HSPA12A: variants seen among roughly 807,000 people sequenced by gnomAD.
The protein encoded by HSPA12A is heat shock 70 kDa protein 12A.
Under a neutral mutation model 69.2 loss-of-function variants are expected in HSPA12A, and 28 were observed. The ratio of observed to expected loss-of-function variants is 0.40; its 90% confidence interval spans 0.30 to 0.55. HSPA12A has a LOEUF of 0.55. HSPA12A is among the 20% of genes least tolerant of loss of function. HSPA12A has a pLI of 0.38. For missense variants in HSPA12A, 686 were observed against 900.7 expected, an observed-to-expected ratio of 0.76 and a Z score of 3.05; for synonymous variants, 345 against 370.5, an observed-to-expected ratio of 0.93 and a Z score of 0.79.
chr10:116,698,585 G>C, intron 5 of HSPA12A, 50 bp downstream of exon 5: 1 of 1,449,804 alleles, frequency 6.9e-7, no homozygotes, highest in Non-Finnish European at 9.6e-7. Flanking sequence ...GAGCTGGCAC[G>C]GGTGCCACCG....
rs1204201247 is a variant in HSPA12A at position 116,674,469 on chromosome 10, A to G, written c.*312T>C. On this transcript the variant is annotated 3_prime_UTR_variant, in exon 12 of 12. Transcript: ENST00000369209. ...AACGGAGATCTGTTCAAAGCAGCGC[A>G]ACCACTGCTGCAGAAATGTACTGAT... 1.3e-5 allele frequency: 5 copies of G among 382,354 alleles called. No homozygotes were observed. Among genetic ancestry groups the G allele is most frequent in the Non-Finnish European group, 1.9e-5 (4 of 208,190 alleles). 23.7% of individuals were successfully genotyped at this position (382,354 alleles called of 1,614,324 possible).
At chr10:116,794,272 G>C (rs1015734370) in intron 2 of HSPA12A, among the ~76,000 whole-genome samples, 3 of 152,024 alleles carry the variant, frequency 2.0e-5, no homozygotes, top group African/African-American at 7.2e-5. Context: ...AAAAGATAAA[G>C]AGTATCACAT....
chr10:116,810,531 AT>A (rs1387054466), intron 2 of HSPA12A, among the ~76,000 whole-genome samples: 1 of 152,166 alleles, frequency 6.6e-6, no homozygotes, highest in Non-Finnish European at 1.5e-5. Flanking sequence ...GCACTTTCAT[AT>A]TCACCATGTC....
At chr10:116,804,225 C>G (rs1036961558) in intron 2 of HSPA12A, among the ~76,000 whole-genome samples, 35 of 152,168 alleles carry the variant, frequency 2.3e-4, no homozygotes, top group African/African-American at 8.2e-4. Flanking sequence ...GACGAATCTG[C>G]TCGCTTGTGG....
chr10:116,681,139 T>G lies in HSPA12A; in HGVS notation c.1027+13A>C. The stretch of plus-strand genomic sequence containing the variant: ...GGCTCAGGAATAAGAAAATTAGCCC[T>G]GCAGGGCCTCACCTGTTGCTTTATA... On this transcript the variant is annotated intron_variant, in intron 9 of 11. Coordinates refer to ENST00000369209, the MANE Select transcript of HSPA12A (RefSeq NM_025015.3). 1 of 1,588,118 alleles carries G rather than the reference T, an allele frequency of 6.3e-7. No homozygotes were observed. Among genetic ancestry groups the G allele is most frequent in the Non-Finnish European group, 8.6e-7 (1 of 1,156,400 alleles).
In HSPA12A at chr10:116,734,059, C is replaced by A. The variant is rs77494191; in HGVS notation, c.40+8371G>T. 6.0e-3 allele frequency among the ~76,000 whole-genome samples: 912 copies of A among 152,262 alleles called. 4 individuals carry two copies. Among genetic ancestry groups the A allele is most frequent in the Admixed American group, 8.3e-3 (127 of 15,288 alleles). On this transcript the variant is annotated intron_variant, in intron 1 of 11. Coordinates refer to ENST00000369209, the MANE Select transcript of HSPA12A (RefSeq NM_025015.3). Reference sequence around the variant, plus strand: ...CACCTGCGGAACCTTGCTACCGGAACCTTTCCAAAAACAGTAACGGAGCAC... The same window carrying A: ...CACCTGCGGAACCTTGCTACCGGAAACTTTCCAAAAACAGTAACGGAGCAC...
rs114655976 is a variant in HSPA12A at position 116,691,328 on chromosome 10, C to G, written c.663+1023G>C. ...TGAGCGCTGAAAACAATTCATGGTGCTGAGGTTCCCATGGCCATTCAACTA... is the reference window on the plus strand; with the variant it reads ...TGAGCGCTGAAAACAATTCATGGTGGTGAGGTTCCCATGGCCATTCAACTA... On this transcript the variant is annotated intron_variant, in intron 6 of 11. Coordinates refer to ENST00000369209, the MANE Select transcript of HSPA12A (RefSeq NM_025015.3). Among the ~76,000 whole-genome samples the G allele has an allele frequency of 1.6e-3, 241 of 152,264 alleles. 1 individual carries two copies. Among genetic ancestry groups the G allele is most frequent in the African/African-American group, 5.2e-3 (215 of 41,548 alleles).
At chr10:116,690,431 C>T (rs1395250177) in intron 6 of HSPA12A, among the ~76,000 whole-genome samples, 2 of 152,140 alleles carry the variant, frequency 1.3e-5, no homozygotes, top group Admixed American at 6.5e-5. Flanking sequence ...GAATGATCGC[C>T]GCCCTCTTTA....
At chr10:116,787,460 A>C (rs1013340298) in intron 2 of HSPA12A, among the ~76,000 whole-genome samples, 5 of 150,532 alleles carry the variant, frequency 3.3e-5, no homozygotes, top group East Asian at 3.9e-4. Context: ...AAAAAAAAAA[A>C]AAACCACAGG....
At chr10:116,730,636 C>T (rs564236231) in intron 1 of HSPA12A, among the ~76,000 whole-genome samples, 3 of 152,354 alleles carry the variant, frequency 2.0e-5, no homozygotes, top group Admixed American at 6.5e-5. Flanking sequence ...TGCCCCATTC[C>T]ATCTGCTGGG....
At chr10:116,818,283 G>A (rs1845345462) in intron 2 of HSPA12A, among the ~76,000 whole-genome samples, 1 of 152,224 alleles carries the variant, frequency 6.6e-6, no homozygotes, top group Admixed American at 6.5e-5. Context: ...GCCCCTGTAA[G>A]ATCATGCTCC....
intron 1 of HSPA12A, among the ~76,000 whole-genome samples, chr10:116,718,575 G>C (rs1554884041): frequency 6.6e-6 from 1 of 152,236 alleles, no homozygotes; most frequent in Admixed American, 6.5e-5. Context: ...TGTACGGCTT[G>C]TGCACTGCAC....
intron 2 of HSPA12A, among the ~76,000 whole-genome samples, chr10:116,827,999 C>G (rs1397747958): frequency 6.6e-6 from 1 of 152,174 alleles, no homozygotes; most frequent in East Asian, 1.9e-4. Flanking sequence ...AGTAAGACCT[C>G]GTGGTATGCA....
chr10:116,768,984 T>C (rs781181897), intron 2 of HSPA12A, among the ~76,000 whole-genome samples: 1 of 152,176 alleles, frequency 6.6e-6, no homozygotes, highest in Non-Finnish European at 1.5e-5. Context: ...TCATCCACAC[T>C]GGCCTGACCT....
chr10:116,727,267 T>C (rs782711364), intron 1 of HSPA12A, among the ~76,000 whole-genome samples: 9 of 152,202 alleles, frequency 5.9e-5, no homozygotes, highest in Non-Finnish European at 1.2e-4. Context: ...TCAAGGCTCA[T>C]CTGGCACTAG....
chr10:116,748,917 C>T (rs1416741543), intron 2 of HSPA12A, among the ~76,000 whole-genome samples: 1 of 152,074 alleles, frequency 6.6e-6, no homozygotes, highest in Non-Finnish European at 1.5e-5. Flanking sequence ...TGGTGGCAGC[C>T]CTGTGGGAGC....
rs770593408 is a variant in HSPA12A at position 116,816,368 on chromosome 10, G to A, written c.91+18567C>T. Among the ~76,000 whole-genome samples the A allele has an allele frequency of 9.1e-4, 139 of 152,342 alleles. 1 individual carries two copies. The highest frequency in any genetic ancestry group is 6.3e-4 in the Non-Finnish European group (43 of 68,036). On this transcript the variant is annotated intron_variant, in intron 2 of 12. Coordinates refer to the HSPA12A transcript ENST00000635765. ...CACCTGGCCTGGTCTCTGGCACCCCGCATACGGGGCAGAGAATGTTGGCCA... is the reference window on the plus strand; with the variant it reads ...CACCTGGCCTGGTCTCTGGCACCCCACATACGGGGCAGAGAATGTTGGCCA...
chr10:116,731,488 C>G (rs2133047781), intron 1 of HSPA12A, among the ~76,000 whole-genome samples: 1 of 152,310 alleles, frequency 6.6e-6, no homozygotes, highest in South Asian at 2.1e-4. Context: ...CCATCACACA[C>G]CAGAAGAACA....
rs182625322 is a variant in HSPA12A at position 116,698,968 on chromosome 10, C to T, written c.442-229G>A. On this transcript the variant is annotated intron_variant, in intron 4 of 11. Transcript: ENST00000369209. ...CTGTCCCCTCCAGGCCCCACCTTCA[C>T]TGCTCCCTCCTTCTCTCCCTCTAGC... Among the ~76,000 whole-genome samples the T allele has an allele frequency of 1.9e-3, 286 of 152,294 alleles. 1 individual carries two copies. Among genetic ancestry groups the T allele is most frequent in the African/African-American group, 6.5e-3 (270 of 41,556 alleles).
Sources: allele counts gnomAD v4.1 joint callset (sites outside exome capture counted in the v4.1 genomes callset), GRCh38; gene constraint gnomAD v4.1.1; transcripts MANE v1.5; gene names NCBI Gene and HGNC (gene_info 2026-07-23, HGNC 2026-07-21).